The following BCAP29 variants were observed in gnomAD, a reference collection of about 807,000 sequenced individuals.
BCAP29 encodes B cell receptor associated protein 29.
Under a neutral mutation model 31.8 loss-of-function variants are expected in BCAP29, and 34 were observed. The observed-to-expected ratio is 1.07, with a 90% CI of 0.81 to 1.42. BCAP29 has a LOEUF of 1.42. Among genes scored for constraint, BCAP29 ranks in the 40% most tolerant of loss-of-function variants. The pLI is 0.00. For synonymous variants in BCAP29, 104 were observed against 91.3 expected, an observed-to-expected ratio of 1.14 and a Z score of -0.79; for missense variants, 314 against 269.2, an observed-to-expected ratio of 1.17 and a Z score of -1.16.
At chr7:107,591,656 A>ACACACACC in intron 3 of BCAP29, among the ~76,000 whole-genome samples, 3 of 136,070 alleles carry the variant, frequency 2.2e-5, no homozygotes, top group Non-Finnish European at 3.1e-5. Context: ...ACACACACAC[A>ACACACACC]CCCTATTGGT....
At chr7:107,603,468 G>A (rs1482341111) in intron 6 of BCAP29, 2 of 151,862 alleles carry the variant, frequency 1.3e-5, no homozygotes, top group African/African-American at 4.8e-5. Flanking sequence ...TGCCAATCTT[G>A]TAGTAAAGGT....
Position 107,618,606 on chromosome 7 carries a change from T to C in BCAP29, c.*243T>C. ...GTTAAATACCATATTTACATATTGA[T>C]AATGTCATTGGTATATGGTGGCTGT... On this transcript the variant is annotated 3_prime_UTR_variant, in exon 8 of 8. Transcript: ENST00000005259. The C allele has an allele frequency of 6.4e-7, 1 of 1,572,318 alleles. No individual in the cohort carries two copies. Among genetic ancestry groups the C allele is most frequent in the Non-Finnish European group, 8.7e-7 (1 of 1,151,498 alleles).
At chr7:107,583,781 A>G in intron 2 of BCAP29, 101 bp from the exon 3 acceptor site, 1 of 504,316 alleles carries the variant, frequency 2.0e-6, no homozygotes, top group Non-Finnish European at 3.5e-6. Context: ...TGTAATTTTC[A>G]CTTGCTACAC....
intron 3 of BCAP29, among the ~76,000 whole-genome samples, chr7:107,584,637 A>C (rs1242573827): frequency 6.6e-6 from 1 of 152,142 alleles, no homozygotes; most frequent in Admixed American, 6.5e-5. Flanking sequence ...CTGAGCCCAG[A>C]AGTTCAAGTT....
chr7:107,582,392 A>G (rs545765078), intron 2 of BCAP29, among the ~76,000 whole-genome samples: 1 of 152,360 alleles, frequency 6.6e-6, no homozygotes, highest in South Asian at 2.1e-4. Context: ...CATTTACAAT[A>G]TGTCCTATGT....
intron 6 of BCAP29, among the ~76,000 whole-genome samples, chr7:107,605,525 G>A (rs1257994413): frequency 6.6e-6 from 1 of 152,200 alleles, no homozygotes; most frequent in African/African-American, 2.4e-5. Context: ...TTCTCTAAAT[G>A]TGTTGATGGA....
chr7:107,621,166 G>A (rs577691304), downstream of BCAP29: 1 of 153,790 alleles, frequency 6.5e-6, no homozygotes, highest in South Asian at 2.0e-4. Context: ...CTGCTAACAT[G>A]ACAAACTATT....
chr7:107,606,563 A>G (rs560132752), intron 6 of BCAP29, among the ~76,000 whole-genome samples: 2 of 152,258 alleles, frequency 1.3e-5, no homozygotes, highest in Middle Eastern at 6.8e-3. Flanking sequence ...TCACAACACA[A>G]GTGTGCTATG....
chr7:107,598,596 A>T (rs1269436051), intron 5 of BCAP29, among the ~76,000 whole-genome samples: 1 of 152,162 alleles, frequency 6.6e-6, no homozygotes, highest in African/African-American at 2.4e-5. Flanking sequence ...TATCTCTTAC[A>T]GCACCTTACA....
chr7:107,621,322 T>A (rs146015616), downstream of BCAP29: 1 of 191,272 alleles, frequency 5.2e-6, no homozygotes, highest in Non-Finnish European at 1.1e-5. Context: ...AATCCACTTA[T>A]GAAATTCTTT....
intron 7 of BCAP29, among the ~76,000 whole-genome samples, chr7:107,614,331 G>A (rs1813745008): frequency 6.6e-6 from 1 of 152,174 alleles, no homozygotes; most frequent in Non-Finnish European, 1.5e-5. Context: ...AGACCTACTT[G>A]GAATACCTAC....
chr7:107,607,384 T>C (rs1277839350), intron 6 of BCAP29, among the ~76,000 whole-genome samples: 1 of 152,170 alleles, frequency 6.6e-6, no homozygotes, highest in Non-Finnish European at 1.5e-5. Flanking sequence ...TTTTTCTTGA[T>C]CTTTCAGTAT....
intron 6 of BCAP29, among the ~76,000 whole-genome samples, chr7:107,610,077 C>G (rs1156507322): frequency 6.6e-6 from 1 of 152,174 alleles, no homozygotes; most frequent in Non-Finnish European, 1.5e-5. Flanking sequence ...GCAAATAGTT[C>G]CGTAAGTGAA....
intron 6 of BCAP29, among the ~76,000 whole-genome samples, chr7:107,600,988 G>GTTGAATT (rs1414381937): frequency 6.6e-6 from 1 of 152,164 alleles, no homozygotes; most frequent in Non-Finnish European, 1.5e-5. Flanking sequence ...TATCTGGGAT[G>GTTGAATT]TCAGCTAAGA....
chr7:107,600,663 CATT>C (rs1323542068), intron 6 of BCAP29, among the ~76,000 whole-genome samples, 158 bp downstream of exon 6: 4 of 152,158 alleles, frequency 2.6e-5, no homozygotes, highest in South Asian at 2.1e-4. Flanking sequence ...GAAGATAAAA[CATT>C]ATGTCAGCCA....
Position 107,594,041 on chromosome 7 carries a change from C to G in BCAP29, c.280C>G (p.Gln94Glu), listed in dbSNP as rs1809357812. ...CAGACCTGATGCCTATGAACACACA[C>G]AGATGAAACTTTTTAGGTCTCAAAG... Reference protein sequence around the residue: ...TSRPDAYEHTQMKLFRSQRNL... With the variant: ...TSRPDAYEHTEMKLFRSQRNL... Residue 94 changes from glutamine to glutamate, a missense_variant, in exon 4 of 8, where the codon CAG becomes GAG. Coordinates refer to ENST00000005259, the MANE Select transcript of BCAP29 (RefSeq NM_018844.4). The G allele has an allele frequency of 1.2e-6, 2 of 1,613,730 alleles. No individual in the cohort carries two copies. Among genetic ancestry groups the G allele is most frequent in the African/African-American group, 1.3e-5 (1 of 74,928 alleles).
chr7:107,618,769 T>C lies in BCAP29; in HGVS notation c.*406T>C. On this transcript the variant is annotated 3_prime_UTR_variant, in exon 8 of 8. Coordinates refer to ENST00000005259, the MANE Select transcript of BCAP29 (RefSeq NM_018844.4). The stretch of plus-strand genomic sequence containing the variant: ...ACCTATTTAATCAGATGATGATGTG[T>C]TTGAAAATAGTGTTCAATATCAGCA... 3.8e-6 allele frequency: 2 copies of C among 522,762 alleles called. No homozygotes were observed. Among genetic ancestry groups the C allele is most frequent in the Non-Finnish European group, 6.6e-6 (2 of 303,692 alleles). 32.4% of individuals were successfully genotyped at this position (522,762 alleles called of 1,614,324 possible).
chr7:107,611,233 G>A (rs1440418740), intron 6 of BCAP29, among the ~76,000 whole-genome samples: 2 of 152,104 alleles, frequency 1.3e-5, no homozygotes, highest in Non-Finnish European at 2.9e-5. Flanking sequence ...GAATTTTGTG[G>A]AGAGACAAGC....
intron 3 of BCAP29, among the ~76,000 whole-genome samples, chr7:107,593,164 T>G (rs1185813459): frequency 2.0e-5 from 3 of 152,212 alleles, no homozygotes; most frequent in Non-Finnish European, 4.4e-5. Context: ...TACCCAAGAC[T>G]TCTGTTGGTC....
Sources: gnomAD v4.1 joint callset for allele counts (sites outside exome capture counted in the v4.1 genomes callset) on GRCh38, gnomAD v4.1.1 for gene constraint, MANE v1.5 for transcripts, NCBI Gene and HGNC (gene_info 2026-07-23, HGNC 2026-07-21) for gene names.